COL7A1: variants seen among roughly 807,000 people sequenced by gnomAD.
COL7A1 encodes the protein collagen type VII alpha 1 chain, also known as collagen alpha-1(VII) chain.
Under a neutral mutation model 456.2 loss-of-function variants are expected in COL7A1, and 296 were observed. The ratio of observed to expected loss-of-function variants is 0.65; its 90% CI spans 0.59 to 0.71. COL7A1 has a LOEUF of 0.71. COL7A1 is among the 30% of genes least tolerant of loss of function. The pLI is 0.00. For synonymous variants in COL7A1, 1,464 were observed against 1,525.9 expected (o/e 0.96, Z 0.95); for missense variants, 3,441 against 4,017.2 (o/e 0.86, Z 3.88).
rs368872953 is a variant in COL7A1, at chr3:48,593,727, G to T, written c.267-31C>A. 3 of 1,614,156 alleles carry T rather than the reference G, an allele frequency of 1.9e-6. No individual in the cohort carries two copies. The highest frequency in any genetic ancestry group is 2.5e-6 in the Non-Finnish European group (3 of 1,180,004). On this transcript the variant is annotated intron_variant, in intron 3 of 118. Coordinates refer to ENST00000681320, the MANE Select transcript of COL7A1 (RefSeq NM_000094.4). This position sits in a 1 kb window ranked among gnomAD's most constrained non-coding sequence, Gnocchi z 4.4. Reference sequence around the variant, plus strand: ...GGAGGGTAGGGGTGGCAACAGGCTAGGACTCAGGATCTCTTCTGGCCCTGG... The same window carrying T: ...GGAGGGTAGGGGTGGCAACAGGCTATGACTCAGGATCTCTTCTGGCCCTGG...
Position 48,568,101 on chromosome 3 carries a change from G to A in COL7A1, c.7864C>T (p.Arg2622Trp), listed in dbSNP as rs139318843. 48 of 1,613,992 alleles carry A rather than the reference G, an allele frequency of 3.0e-5. No individual in the cohort carries two copies. The highest frequency in any genetic ancestry group is 2.1e-4 in the African/African-American group (16 of 74,896). ...EKGDVGFMGP[R>W]GLKGERGVKG... Reference sequence around the variant, plus strand: ...TGTTTCTTTCCTACCTTGAGGCCCCGGGGACCCATGAAGCCAACATCTCCT... The same window carrying A: ...TGTTTCTTTCCTACCTTGAGGCCCCAGGGACCCATGAAGCCAACATCTCCT... Residue 2622 changes from arginine (R) to tryptophan (W), a missense_variant, in exon 106 of 119, where the codon CGG (arginine) becomes TGG (tryptophan). Physicochemically the swap from Arg to Trp is moderately radical, Grantham distance 101. Transcript: ENST00000681320. This position sits in a 1 kb window ranked among gnomAD's most constrained non-coding sequence, Gnocchi z 5.2.
Position 48,567,202 on chromosome 3 carries a change from A to C in COL7A1, c.8047-12T>G. 1 of 1,613,818 alleles carries C rather than the reference A, an allele frequency of 6.2e-7. No homozygotes were observed. Among genetic ancestry groups the C allele is most frequent in the Non-Finnish European group, 8.5e-7 (1 of 1,179,954 alleles). On this transcript the variant is annotated splice_polypyrimidine_tract_variant and intron_variant, in intron 109 of 118. Transcript: ENST00000681320. The surrounding 1 kb of genome is among the most constrained non-coding windows in gnomAD (Gnocchi z 4.3). ...AAGCCTCGGTCACCCTGGGAACAGA[A>C]GAAGCATGAGAGACCTTCTGCCCTG...
chr3:48,570,922 CCAA>C lies in COL7A1; in HGVS notation c.7208_7210del (p.Val2403del), dbSNP rs777677195. 107 of 1,613,664 alleles carry C rather than the reference CCAA, an allele frequency of 6.6e-5. No individual in the cohort carries two copies. The highest frequency in any genetic ancestry group is 8.5e-5 in the Non-Finnish European group (100 of 1,179,960). ...TCGAGGGCCTGTCTGACCCGGGAAC[CCAA>C]CAACACCAGGAGCACCGGGCAGGCC... On this transcript the variant is annotated inframe_deletion, in exon 95 of 119. Coordinates refer to ENST00000681320, the MANE Select transcript of COL7A1 (RefSeq NM_000094.4). This position sits in a 1 kb window ranked among gnomAD's most constrained non-coding sequence, Gnocchi z 5.5.
In COL7A1 at chr3:48,573,959, CT is replaced by C; in HGVS notation, c.6502-70del. 3 of 1,588,956 alleles carry C rather than the reference CT, an allele frequency of 1.9e-6. No homozygotes were observed. The highest frequency in any genetic ancestry group is 1.1e-5 in the South Asian group (1 of 88,862). ...TGGGCCTGTTCCCAACCTCTGGGGG[CT>C]TTTTCCTTGGGGGTCAATTTCCATA... On this transcript the variant is annotated intron_variant, in intron 80 of 118. Coordinates refer to ENST00000681320, the MANE Select transcript of COL7A1 (RefSeq NM_000094.4). The surrounding 1 kb of genome is among the most constrained non-coding windows in gnomAD (Gnocchi z 5.5).
chr3:48,589,523 GC>G, intron 17 of COL7A1, 53 bp from the exon 18 acceptor site: 1 of 1,612,726 alleles, frequency 6.2e-7, no homozygotes. Flanking sequence ...GTGCCCCAGA[GC>G]CCCACCTGGA....
Position 48,572,489 on chromosome 3 carries a change from C to G in COL7A1, c.6936+14G>C. 1.2e-6 allele frequency: 2 copies of G among 1,613,854 alleles called. No homozygotes were observed. The highest frequency in any genetic ancestry group is 2.2e-5 in the South Asian group (2 of 91,072). ...AGTTGACCCCCCCTCACTGGCAGCC[C>G]CACACACACTCACCTTCTCTCCCTT... On this transcript the variant is annotated intron_variant, in intron 89 of 118. Coordinates refer to ENST00000681320, the MANE Select transcript of COL7A1 (RefSeq NM_000094.4). This position sits in a 1 kb window ranked among gnomAD's most constrained non-coding sequence, Gnocchi z 4.6.
In COL7A1 at chr3:48,574,693, C is replaced by T. The variant is rs1240783123; in HGVS notation, c.6377G>A (p.Gly2126Asp). The T allele has an allele frequency of 6.2e-7, 1 of 1,613,822 alleles. No individual in the cohort carries two copies. Among genetic ancestry groups the T allele is most frequent in the Non-Finnish European group, 8.5e-7 (1 of 1,180,010 alleles). Reference protein sequence around the residue: ...KGEPGSNGDQGPKGDRGVPGI... With the variant: ...KGEPGSNGDQDPKGDRGVPGI... The stretch of plus-strand genomic sequence containing the variant: ...AGGCCTCACCCTGTCTCCTTTGGGA[C>T]CTTGGTCACCATTGCTGCCCGGCTC... The change falls in exon 78 of 119, where the codon GGT becomes GAT. Residue 2126 changes from glycine to aspartate, a missense_variant. This residue lies in a region of COL7A1 where 2,084 missense variants were observed against 2,501.3 expected (regional missense o/e 0.83). Transcript: ENST00000681320. This position sits in a 1 kb window ranked among gnomAD's most constrained non-coding sequence, Gnocchi z 5.0.
At position 48,580,371 on chromosome 3, in the gene COL7A1, C is replaced by T; in HGVS notation, c.5053-27G>A. The T allele has an allele frequency of 2.5e-6, 4 of 1,605,530 alleles. No individual in the cohort carries two copies. Among genetic ancestry groups the T allele is most frequent in the East Asian group, 2.2e-5 (1 of 44,588 alleles). On this transcript the variant is annotated intron_variant, in intron 55 of 118. Coordinates refer to ENST00000681320, the MANE Select transcript of COL7A1 (RefSeq NM_000094.4). This position sits in a 1 kb window ranked among gnomAD's most constrained non-coding sequence, Gnocchi z 4.5. ...TGCAGAAAGGCAGGGGTCAGGGCCA[C>T]TCAAGGTAGGCAGCAGTTTGGGAGA...
Position 48,565,275 on chromosome 3 carries a change from CTG to C in COL7A1, c.8528-76_8528-75del. 6.6e-7 allele frequency: 1 copy of C among 1,518,332 alleles called. No homozygotes were observed. The highest frequency in any genetic ancestry group is 9.0e-7 in the Non-Finnish European group (1 of 1,105,148). The allele number at this position is 1,518,332 out of a possible 1,614,324, so 94.1% of individuals were successfully genotyped here. A position where few individuals can be genotyped will look rare whatever the true frequency, so the allele number is the denominator to read the frequency against. ...GCAAGGTGGGCAGCACTGATTTCCA[CTG>C]TGTGCACACAGTGCCCATGCGTGTG... On this transcript the variant is annotated intron_variant, in intron 116 of 118. Transcript: ENST00000681320. This position sits in a 1 kb window ranked among gnomAD's most constrained non-coding sequence, Gnocchi z 4.5.
In COL7A1 at chr3:48,588,377, G is replaced by T; in HGVS notation, c.2615C>A (p.Thr872Lys). The stretch of plus-strand genomic sequence containing the variant: ...CTCCCCGCGCTGCACCACGTGAAGC[G>T]TCCCCAGGGCTGGCGGAGCCTCAGG... ...TPPEAPPALG[T>K]LHVVQRGEHS... The change falls in exon 21 of 119, where the codon ACG becomes AAG. Residue 872 changes from threonine (T) to lysine (K), a missense_variant. Physicochemically the swap from Thr to Lys is moderately conservative, Grantham distance 78. Around this residue, in one of 3 missense-constraint regions of COL7A1, gnomAD observed 444 missense variants for 427.6 expected, o/e 1.04. Coordinates refer to ENST00000681320, the MANE Select transcript of COL7A1 (RefSeq NM_000094.4). This position sits in a 1 kb window ranked among gnomAD's most constrained non-coding sequence, Gnocchi z 4.6. The T allele has an allele frequency of 6.2e-7, 1 of 1,611,704 alleles. No individual in the cohort carries two copies.
rs1174282014 is a variant in COL7A1 at position 48,585,172 on chromosome 3, T to G, written c.3895-56A>C. 1 of 1,564,550 alleles carries G rather than the reference T, an allele frequency of 6.4e-7. No homozygotes were observed. The highest frequency in any genetic ancestry group is 1.4e-5 in the African/African-American group (1 of 73,818). On this transcript the variant is annotated intron_variant, in intron 32 of 118. Coordinates refer to ENST00000681320, the MANE Select transcript of COL7A1 (RefSeq NM_000094.4). The surrounding 1 kb of genome is among the most constrained non-coding windows in gnomAD (Gnocchi z 4.5). The stretch of plus-strand genomic sequence containing the variant: ...GGACCCTCCCCCAAGGCCCCTGGTT[T>G]GCTGGAGGGGCCTCACCCCATCAAC...
rs2044663187 is a variant in COL7A1 at position 48,580,435 on chromosome 3, AG to A, written c.5053-92del. ...CATGAGGACTCATGGGAATGTTGGT[AG>A]CCTTCAGATGCGTGTGTGCAGGGGT... On this transcript the variant is annotated intron_variant, in intron 55 of 118. Transcript: ENST00000681320. The surrounding 1 kb of genome is among the most constrained non-coding windows in gnomAD (Gnocchi z 4.5). 6.6e-7 allele frequency: 1 copy of A among 1,520,082 alleles called. No individual in the cohort carries two copies. Among genetic ancestry groups the A allele is most frequent in the Admixed American group, 1.8e-5 (1 of 54,748 alleles). The allele number at this position is 1,520,082 out of a possible 1,614,324, so 94.2% of individuals were successfully genotyped here. A position where few individuals can be genotyped will look rare whatever the true frequency, so the allele number is the denominator to read the frequency against.
At position 48,566,670 on chromosome 3, in the gene COL7A1, C is replaced by G. The variant is rs771499958; in HGVS notation, c.8294G>C (p.Arg2765Thr). Residue 2765 changes from arginine to threonine, a missense_variant, in exon 112 of 119, where the codon AGA becomes ACA. This residue lies in a region of COL7A1 where 2,084 missense variants were observed against 2,501.3 expected (regional missense o/e 0.83). Transcript: ENST00000681320. This position sits in a 1 kb window ranked among gnomAD's most constrained non-coding sequence, Gnocchi z 5.9. ...GGAATCCCTACTCACCTGCTCCCCT[C>G]TCTCGCCAGGAGCTCCAGGGACCCC... Reference protein sequence around the residue: ...APGVPGAPGERGEQGRPGPAG... With the variant: ...APGVPGAPGETGEQGRPGPAG... 1.9e-6 allele frequency: 3 copies of G among 1,613,918 alleles called. No individual in the cohort carries two copies. In the Admixed American group the frequency reaches 5.0e-5, roughly 27 times the overall value.
chr3:48,567,422 C>A lies in COL7A1; in HGVS notation c.8046+152G>T. ...CATCCTAACTCCACTGTGACCCCAA[C>A]CCACCTTGACACCTCGAGACCAGCC... On this transcript the variant is annotated intron_variant, in intron 109 of 118. Transcript: ENST00000681320. This position sits in a 1 kb window ranked among gnomAD's most constrained non-coding sequence, Gnocchi z 4.3. 4.3e-6 allele frequency: 5 copies of A among 1,159,724 alleles called. No individual in the cohort carries two copies. Among genetic ancestry groups the A allele is most frequent in the Non-Finnish European group, 5.1e-6 (4 of 787,542 alleles). The allele number at this position is 1,159,724 out of a possible 1,614,324, so 71.8% of individuals were successfully genotyped here.
In COL7A1 at chr3:48,590,134, C is replaced by G; in HGVS notation, c.2050+79G>C. On this transcript the variant is annotated intron_variant, in intron 16 of 118. Transcript: ENST00000681320. The surrounding 1 kb of genome is among the most constrained non-coding windows in gnomAD (Gnocchi z 4.6). ...GGGAGGCAGGAGTTCTGGGGAGAAG[C>G]AAGGGTCTGCAAGGGAAGGCATGGG... 1 of 1,524,914 alleles carries G rather than the reference C, an allele frequency of 6.6e-7. No individual in the cohort carries two copies. Among genetic ancestry groups the G allele is most frequent in the African/African-American group, 1.4e-5 (1 of 73,402 alleles). 94.5% of individuals were successfully genotyped at this position (1,524,914 alleles called of 1,614,324 possible). A position where few individuals can be genotyped will look rare whatever the true frequency, so the allele number is the denominator to read the frequency against.
chr3:48,573,259 G>A lies in COL7A1; in HGVS notation c.6652-23C>T, dbSNP rs2044059241. ...GCCCTGGAGGAAGAGAAAGTTCAGG[G>A]CAGTGCCAACCCCACCCATCTCCCT... is the stretch of plus-strand genomic sequence containing the variant. On this transcript the variant is annotated intron_variant, in intron 84 of 118. Coordinates refer to ENST00000681320, the MANE Select transcript of COL7A1 (RefSeq NM_000094.4). The surrounding 1 kb of genome is among the most constrained non-coding windows in gnomAD (Gnocchi z 5.5). 6.2e-7 allele frequency: 1 copy of A among 1,613,894 alleles called. No homozygotes were observed. Among genetic ancestry groups the A allele is most frequent in the African/African-American group, 1.3e-5 (1 of 74,894 alleles).
rs928128124 is a variant in COL7A1, at chr3:48,587,557, G to A, written c.2858-3C>T. 4 of 1,613,406 alleles carry A rather than the reference G, an allele frequency of 2.5e-6. No homozygotes were observed. Among genetic ancestry groups the A allele is most frequent in the Non-Finnish European group, 3.4e-6 (4 of 1,180,044 alleles). On this transcript the variant is annotated splice_region_variant and splice_polypyrimidine_tract_variant and intron_variant, in intron 22 of 118. Coordinates refer to ENST00000681320, the MANE Select transcript of COL7A1 (RefSeq NM_000094.4). This position sits in a 1 kb window ranked among gnomAD's most constrained non-coding sequence, Gnocchi z 6.1. ...AATGCTTGGAACACGAGGTGACTCT[G>A]AAGGAGGAATGAAAGATCGAGGATC...
Position 48,586,413 on chromosome 3 carries a change from C to A in COL7A1, c.3469G>T (p.Val1157Leu). 3 of 1,613,774 alleles carry A rather than the reference C, an allele frequency of 1.9e-6. No individual in the cohort carries two copies. Among genetic ancestry groups the A allele is most frequent in the East Asian group, 4.5e-5 (2 of 44,900 alleles). Residue 1157 changes from valine (V) to leucine (L), a missense_variant, in exon 27 of 119, where the codon GTA becomes TTA. Val to Leu is a conservative substitution (Grantham distance 32). This residue lies in a region of COL7A1 where 2,084 missense variants were observed against 2,501.3 expected (regional missense o/e 0.83). Transcript: ENST00000681320. This position sits in a 1 kb window ranked among gnomAD's most constrained non-coding sequence, Gnocchi z 5.1. The stretch of plus-strand genomic sequence containing the variant: ...ACTAGCAGAACCATCACCCCTGGTA[C>A]GTGCTGGCGGCGCCCAGGAGCATCT... ...APDAPGRRQH[V>L]PGVMVLLVDE...
chr3:48,591,986 C>T lies in COL7A1; in HGVS notation c.1269G>A (p.Pro423=), dbSNP rs546501910. The change falls in exon 11 of 119, where the codon CCG becomes CCA. Residue 423 remains proline (P), a synonymous_variant. Coordinates refer to ENST00000681320, the MANE Select transcript of COL7A1 (RefSeq NM_000094.4). The surrounding 1 kb of genome is among the most constrained non-coding windows in gnomAD (Gnocchi z 7.0). ...GGATGGATGTGGGGCCCAGGATGACCGGGCGCAGGGTCTGCTCAACAGAAG... is the reference window on the plus strand; with the variant it reads ...GGATGGATGTGGGGCCCAGGATGACTGGGCGCAGGGTCTGCTCAACAGAAG... ...TDASVEQTLR[P]VILGPTSILL... 9.3e-6 allele frequency: 15 copies of T among 1,614,198 alleles called. No homozygotes were observed. The highest frequency in any genetic ancestry group is 4.0e-5 in the African/African-American group (3 of 75,046).
Sources: gnomAD v4.1 joint callset for allele counts on GRCh38, gnomAD v4.1.1 for gene constraint, gnomAD v4.1.1 regional missense constraint, Gnocchi (gnomAD v3.1) non-coding constraint, MANE v1.5 for transcripts, NCBI Gene and HGNC (gene_info 2026-07-23, HGNC 2026-07-21) for gene names.